The following PTTG1IP2 variants were observed in gnomAD, a reference collection of about 807,000 sequenced individuals.
The protein encoded by PTTG1IP2 is PTTG1IP family member 2.
intron 2 of PTTG1IP2, among the ~76,000 whole-genome samples, chr7:90,485,973 C>T (rs1797870662): frequency 1.3e-5 from 2 of 152,176 alleles, no homozygotes. Flanking sequence ...GGCAACCGTC[C>T]AGGAGGACAA....
chr7:90,507,724 C>A (rs555330904), intron 6 of PTTG1IP2, among the ~76,000 whole-genome samples: 2 of 152,060 alleles, frequency 1.3e-5, no homozygotes, highest in Non-Finnish European at 1.5e-5. Context: ...TAAAAGGAAA[C>A]AATGCTACAA....
At chr7:90,486,467 CTTTT>C (rs532687452) in intron 2 of PTTG1IP2, among the ~76,000 whole-genome samples, 6 of 119,216 alleles carry the variant, frequency 5.0e-5, no homozygotes, top group South Asian at 2.7e-4. Context: ...CTTTGTCTTC[CTTTT>C]TTTTTTTTTT....
At chr7:90,478,308 C>A (rs1370280274) in intron 1 of PTTG1IP2, among the ~76,000 whole-genome samples, 11 of 152,074 alleles carry the variant, frequency 7.2e-5, no homozygotes, top group Admixed American at 7.2e-4. Flanking sequence ...TTCTGCCTTC[C>A]GAAAGGAGCC....
chr7:90,492,983 A>T (rs991181999), intron 5 of PTTG1IP2, among the ~76,000 whole-genome samples: 22 of 152,156 alleles, frequency 1.4e-4, no homozygotes, highest in African/African-American at 5.1e-4. Context: ...AGGCACTCCC[A>T]ATCCTCTACC....
intron 6 of PTTG1IP2, among the ~76,000 whole-genome samples, chr7:90,509,521 A>G (rs1798161265): frequency 6.6e-6 from 1 of 152,166 alleles, no homozygotes; most frequent in Non-Finnish European, 1.5e-5. Flanking sequence ...AGAAGGATGA[A>G]GTCTGCATGT....
At chr7:90,502,202 T>A (rs1376137572) in intron 6 of PTTG1IP2, among the ~76,000 whole-genome samples, 2 of 152,336 alleles carry the variant, frequency 1.3e-5, no homozygotes, top group South Asian at 2.1e-4. Flanking sequence ...CTTCTTCCAG[T>A]GAAGTCCTTC....
chr7:90,487,241 T>C (rs1797884332), intron 2 of PTTG1IP2, 86 bp from the exon 3 acceptor site: 1 of 152,646 alleles, frequency 6.6e-6, no homozygotes, highest in South Asian at 2.1e-4. Flanking sequence ...ATTTATTGAA[T>C]ACTTATTGAG....
chr7:90,512,097 T>G (rs1351359925), intron 6 of PTTG1IP2, among the ~76,000 whole-genome samples: 1 of 152,154 alleles, frequency 6.6e-6, no homozygotes, highest in Admixed American at 6.5e-5. Context: ...TTTCTCTGGA[T>G]CAGATAAGAA....
intron 1 of PTTG1IP2, among the ~76,000 whole-genome samples, chr7:90,478,371 C>T (rs1797776051): frequency 6.6e-6 from 1 of 152,138 alleles, no homozygotes; most frequent in African/African-American, 2.4e-5. Context: ...TACCATTCAC[C>T]TTGCCTTTTC....
At chr7:90,479,683 C>T (rs1016366202) in intron 2 of PTTG1IP2, among the ~76,000 whole-genome samples, 3 of 150,544 alleles carry the variant, frequency 2.0e-5, no homozygotes, top group Admixed American at 1.3e-4. Context: ...AGATGGAGTC[C>T]TCTTCTTTGA....
chr7:90,497,335 C>T (rs1030257079), intron 6 of PTTG1IP2, among the ~76,000 whole-genome samples: 7 of 151,984 alleles, frequency 4.6e-5, no homozygotes, highest in African/African-American at 1.7e-4. Context: ...GAAGCCGAGG[C>T]AGGCGGATCA....
intron 4 of PTTG1IP2, among the ~76,000 whole-genome samples, chr7:90,490,434 GAAA>G (rs74273143): frequency 0.034 from 4,337 of 129,028 alleles, 100 homozygotes; most frequent in Non-Finnish European, 0.045. Context: ...AGTGCTTGCA[GAAA>G]AAAAAAAAAA....
chr7:90,483,014 T>C (rs1797831074), intron 2 of PTTG1IP2, among the ~76,000 whole-genome samples: 1 of 152,122 alleles, frequency 6.6e-6, no homozygotes, highest in Admixed American at 6.6e-5. Context: ...AAAGAGATGC[T>C]CACTTTGATA....
chr7:90,511,291 C>A (rs1414289780), intron 6 of PTTG1IP2, among the ~76,000 whole-genome samples: 3 of 152,128 alleles, frequency 2.0e-5, no homozygotes, highest in Admixed American at 1.3e-4. Context: ...AGATAATAAA[C>A]AAGTGTTACT....
In PTTG1IP2 at chr7:90,476,611, A is replaced by G. The variant is rs1389285185; in HGVS notation, c.146-2617A>G. 4.6e-5 allele frequency among the ~76,000 whole-genome samples: 7 copies of G among 152,204 alleles called. No individual in the cohort carries two copies. The East Asian group carries it at 1.2e-3, about 25-fold the overall frequency. ...GAATAGGATATACCTTACAAATGCT[A>G]CTGAAAAAGAAAGCAAGTGTAGCAA... On this transcript the variant is annotated intron_variant, in intron 1 of 6. Transcript: ENST00000509356.
At chr7:90,495,073 A>ATGTT (rs1481329005) in intron 6 of PTTG1IP2, among the ~76,000 whole-genome samples, 1 of 152,182 alleles carries the variant, frequency 6.6e-6, no homozygotes, top group African/African-American at 2.4e-5. Flanking sequence ...GAGATATAAC[A>ATGTT]GTTCAGGCTG....
At chr7:90,485,967 A>G (rs1313991145) in intron 2 of PTTG1IP2, among the ~76,000 whole-genome samples, 1 of 152,234 alleles carries the variant, frequency 6.6e-6, no homozygotes, top group Non-Finnish European at 1.5e-5. Flanking sequence ...TCTTTCGGCA[A>G]CCGTCCAGGA....
At chr7:90,489,740 C>G (rs1416054972) in intron 4 of PTTG1IP2, among the ~76,000 whole-genome samples, 1 of 151,782 alleles carries the variant, frequency 6.6e-6, no homozygotes, top group East Asian at 1.9e-4. Context: ...AATAAAGAAC[C>G]AAAGTGGAGT....
At chr7:90,475,967 A>T (rs553270440) in intron 1 of PTTG1IP2, among the ~76,000 whole-genome samples, 41 of 152,070 alleles carry the variant, frequency 2.7e-4, no homozygotes, top group African/African-American at 9.9e-4. Context: ...AAAGAAAAAT[A>T]TCTTTAAAGT....
Sources: gnomAD v4.1 joint callset for allele counts (sites outside exome capture counted in the v4.1 genomes callset) on GRCh38, gnomAD v4.1.1 for gene constraint, MANE v1.5 for transcripts, NCBI Gene and HGNC (gene_info 2026-07-23, HGNC 2026-07-21) for gene names.